Variants in FGF14 observed in about 807,000 individuals in gnomAD.
The protein encoded by FGF14 is fibroblast growth factor 14, also known as fibroblast growth factor homologous factor 4.
FGF14 carries 5 observed loss-of-function variants against 25.5 expected under a neutral mutation model. The observed-to-expected ratio is 0.20, with a 90% CI of 0.10 to 0.41. The LOEUF (loss-of-function observed/expected upper bound fraction) is 0.41, where lower values mean the gene tolerates loss of function less well. Ranked by LOEUF, FGF14 falls within the 10% of genes least tolerant of loss-of-function variation. The probability of loss-of-function intolerance (pLI) is 1.00; values close to 1 mark genes in which losing one functional copy is unlikely to be tolerated. For missense variants in FGF14, 222 were observed against 320.1 expected, an observed-to-expected ratio of 0.69 and a Z score of 2.34; for synonymous variants, 138 against 118.3, an observed-to-expected ratio of 1.17 and a Z score of -1.08.
chr13:101,718,378 CTA>C lies in FGF14; in HGVS notation c.*4451_*4452del, dbSNP rs903577394. 2.0e-5 allele frequency: 3 copies of C among 152,050 alleles called. No individual in the cohort carries two copies. Among genetic ancestry groups the C allele is most frequent in the Admixed American group, 6.6e-5 (1 of 15,244 alleles). 9.4% of individuals were successfully genotyped at this position (152,050 alleles called of 1,614,324 possible). On this transcript the variant is annotated 3_prime_UTR_variant, in exon 5 of 5. Coordinates refer to ENST00000376143, the MANE Select transcript of FGF14 (RefSeq NM_004115.4). ...TCCTTCTTAAATGTGATTTTCAACT[CTA>C]TGATAGAAACTCCCTCTAAAAAACA...
intron 1 of FGF14, among the ~76,000 whole-genome samples, chr13:102,008,525 G>A (rs1447976488): frequency 6.6e-6 from 1 of 152,198 alleles, no homozygotes; most frequent in Non-Finnish European, 1.5e-5. Context: ...CACTGGGAAA[G>A]TACAAAGATA....
At chr13:102,010,175 A>G (rs1454033250) in intron 1 of FGF14, among the ~76,000 whole-genome samples, 1 of 152,134 alleles carries the variant, frequency 6.6e-6, no homozygotes, top group African/African-American at 2.4e-5. Context: ...AAATGGCATA[A>G]CTCCTCACTT....
rs539810527 is a variant in FGF14 at position 102,147,554 on chromosome 13, A to C, written c.208+253917T>G. 1.8e-4 allele frequency among the ~76,000 whole-genome samples: 27 copies of C among 152,350 alleles called. 1 individual carries two copies. Among genetic ancestry groups the C allele is most frequent in the South Asian group, 1.0e-3 (5 of 4,832 alleles). ...AAATATTGTGACAGTGCAGAGATAC[A>C]AAAGATTACTAAAAGGACAACTTTT... is the stretch of plus-strand genomic sequence containing the variant. On this transcript the variant is annotated intron_variant, in intron 1 of 4. Coordinates refer to the FGF14 transcript ENST00000376131.
intron 3 of FGF14, among the ~76,000 whole-genome samples, chr13:101,812,649 ATATATTTTTTTT>A (rs2041629696): frequency 1.2e-4 from 1 of 8,444 alleles, no homozygotes; most frequent in African/African-American, 3.8e-4. Flanking sequence ...ATATATATAT[ATATATTTTTTTT>A]TTTTTTTTTT....
At chr13:101,809,741 T>C (rs930178441) in intron 3 of FGF14, among the ~76,000 whole-genome samples, 2 of 152,204 alleles carry the variant, frequency 1.3e-5, no homozygotes, top group African/African-American at 4.8e-5. Context: ...GAATGCTGTG[T>C]AGATTAACTC....
chr13:102,304,770 C>A (rs979327844), intron 1 of FGF14, among the ~76,000 whole-genome samples: 5 of 152,182 alleles, frequency 3.3e-5, no homozygotes, highest in African/African-American at 1.2e-4. Flanking sequence ...CAACAACCAG[C>A]ACCAACTTGC....
intron 3 of FGF14, chr13:101,779,008 C>A (rs1216847378): frequency 6.6e-6 from 1 of 152,170 alleles, no homozygotes; most frequent in Non-Finnish European, 1.5e-5. Context: ...CTGGGAAAAA[C>A]CATTTTCATG....
intron 1 of FGF14, among the ~76,000 whole-genome samples, chr13:101,877,900 C>A (rs565236047): frequency 6.6e-6 from 1 of 152,264 alleles, no homozygotes; most frequent in South Asian, 2.1e-4. Flanking sequence ...TTGCTCAATT[C>A]CTTTTGATGC....
intron 1 of FGF14, among the ~76,000 whole-genome samples, chr13:102,189,008 G>GAAGAAA (rs748649769): frequency 1.4e-5 from 1 of 70,350 alleles, no homozygotes; most frequent in Non-Finnish European, 2.8e-5. Flanking sequence ...AAGAAAGAAA[G>GAAGAAA]AGAAAGAATG....
At chr13:101,931,960 G>T (rs114320206) in intron 1 of FGF14, among the ~76,000 whole-genome samples, 1 of 152,150 alleles carries the variant, frequency 6.6e-6, no homozygotes, top group Admixed American at 6.5e-5. Flanking sequence ...CTGGGGATGG[G>T]TGTGTCTTGG....
At chr13:102,220,389 T>C (rs1189674539) in intron 1 of FGF14, among the ~76,000 whole-genome samples, 3 of 88,954 alleles carry the variant, frequency 3.4e-5, no homozygotes, top group Admixed American at 1.1e-4. Flanking sequence ...TGATAAACTC[T>C]AGATCTACAC....
intron 1 of FGF14, among the ~76,000 whole-genome samples, chr13:101,943,824 AAAAT>A (rs1365393230): frequency 6.3e-5 from 8 of 126,942 alleles, no homozygotes; most frequent in Non-Finnish European, 1.1e-4. Context: ...AAAAAAAAAA[AAAAT>A]ATATATATAT....
intron 1 of FGF14, among the ~76,000 whole-genome samples, chr13:102,052,984 T>C (rs1042724164): frequency 1.3e-5 from 2 of 152,104 alleles, no homozygotes; most frequent in Non-Finnish European, 2.9e-5. Context: ...TGTTAACTGA[T>C]GTACAATATA....
At chr13:102,304,227 T>C (rs2138602689) in intron 1 of FGF14, among the ~76,000 whole-genome samples, 1 of 152,168 alleles carries the variant, frequency 6.6e-6, no homozygotes, top group South Asian at 2.1e-4. Context: ...GTCTTCCTAC[T>C]GAACCCCACG....
At chr13:101,929,730 A>AATATATAC (rs1351803111) in intron 1 of FGF14, among the ~76,000 whole-genome samples, 1 of 152,246 alleles carries the variant, frequency 6.6e-6, no homozygotes, top group Non-Finnish European at 1.5e-5. Context: ...TATATCATTA[A>AATATATAC]ATATATACAT....
At chr13:102,353,996 A>G (rs575011702) in intron 1 of FGF14, 12 of 167,948 alleles carry the variant, frequency 7.1e-5, no homozygotes, top group Non-Finnish European at 1.4e-4. Context: ...GAATCTCAGG[A>G]CCCCAAAATC....
At chr13:102,310,703 G>GGC (rs1555399402) in intron 1 of FGF14, among the ~76,000 whole-genome samples, 1 of 65,020 alleles carries the variant, frequency 1.5e-5, no homozygotes, top group Non-Finnish European at 3.1e-5. Context: ...GTGTGGGGGG[G>GGC]GGGGGGTGGG....
At chr13:101,947,735 T>C (rs1399530068) in intron 1 of FGF14, among the ~76,000 whole-genome samples, 1 of 152,158 alleles carries the variant, frequency 6.6e-6, no homozygotes, top group Non-Finnish European at 1.5e-5. Context: ...TGGGTACTCT[T>C]CCCACTACAT....
At chr13:102,188,989 A>C in intron 1 of FGF14, among the ~76,000 whole-genome samples, 1 of 61,712 alleles carries the variant, frequency 1.6e-5, no homozygotes, top group Non-Finnish European at 2.9e-5. Context: ...AGAAAGAAAG[A>C]AAGAAAGAAA....
Sources: gnomAD v4.1 joint callset for allele counts (sites outside exome capture counted in the v4.1 genomes callset) on GRCh38, gnomAD v4.1.1 for gene constraint, MANE v1.5 for transcripts, NCBI Gene and HGNC (gene_info 2026-07-23, HGNC 2026-07-21) for gene names.